Variants in TTN observed in about 807,000 individuals in gnomAD.
The protein encoded by TTN is titin.
TTN carries 1,525 observed loss-of-function variants against 3,223.0 expected under a neutral mutation model. That is an observed-to-expected ratio of 0.47 (90% CI 0.45 to 0.49). TTN has a LOEUF of 0.49. Ranked by LOEUF, TTN falls within the 20% of genes least tolerant of loss-of-function variation. The pLI is 0.00. For synonymous variants in TTN, 14,094 were observed against 15,161.0 expected (o/e 0.93, Z 5.17); for missense variants, 40,786 against 43,424.0 (o/e 0.94, Z 5.40).
chr2:178,776,282 C>T lies in TTN; in HGVS notation c.5582G>A (p.Arg1861His), dbSNP rs140914855. ...CTGAGGGTAGCCTGTTACCCTGCAG[C>T]GGAACCTTGCAGTCTCCCCTTCAAG... ...RVLEGETARF[R>H]CRVTGYPQPK... Residue 1861 changes from arginine (R) to histidine (H), a missense_variant, in exon 28 of 363, where the codon CGC becomes CAC. Arg to His is a conservative substitution (Grantham distance 29). Transcript: ENST00000589042. 129 of 1,614,050 alleles carry T rather than the reference C, an allele frequency of 8.0e-5. No individual in the cohort carries two copies. Among genetic ancestry groups the T allele is most frequent in the Middle Eastern group, 5.0e-4 (3 of 6,060 alleles).
In TTN at chr2:178,613,713, C is replaced by T. The variant is rs761275537; in HGVS notation, c.49532+38G>A. The T allele has an allele frequency of 6.3e-6, 10 of 1,591,440 alleles. No homozygotes were observed. In the East Asian group the frequency reaches 2.2e-4, roughly 36 times the overall value. On this transcript the variant is annotated intron_variant, in intron 263 of 362. Coordinates refer to ENST00000589042, the MANE Select transcript of TTN (RefSeq NM_001267550.2). ...ACTAAAGAGTAAACATTTGAATATA[C>T]TGCTGTCTTAACATCTTGATGGGGA... is the stretch of plus-strand genomic sequence containing the variant.
In TTN at chr2:178,773,822, T is replaced by C. The variant is rs1311479805; in HGVS notation, c.7330+16A>G. 2.5e-6 allele frequency: 4 copies of C among 1,613,956 alleles called. No individual in the cohort carries two copies. Among genetic ancestry groups the C allele is most frequent in the Admixed American group, 3.3e-5 (2 of 59,988 alleles). ...GCTTAATAGTGTAAACATAAAATTTTATAATTAGGACTCACTATAGACAGA... is the reference window on the plus strand; with the variant it reads ...GCTTAATAGTGTAAACATAAAATTTCATAATTAGGACTCACTATAGACAGA... On this transcript the variant is annotated intron_variant, in intron 31 of 362. Coordinates refer to ENST00000589042, the MANE Select transcript of TTN (RefSeq NM_001267550.2).
chr2:178,778,929 C>T lies in TTN; in HGVS notation c.4153G>A (p.Ala1385Thr), dbSNP rs140760859. The change falls in exon 24 of 363, where the codon GCA becomes ACA. Residue 1385 changes from alanine (A) to threonine (T), a missense_variant. Coordinates refer to ENST00000589042, the MANE Select transcript of TTN (RefSeq NM_001267550.2). ...CSGKLYVEPAAPLGAPTYIPT... is the reference protein window; with the variant it reads ...CSGKLYVEPATPLGAPTYIPT... The stretch of plus-strand genomic sequence containing the variant: ...ATGTAAGTCGGAGCTCCAAGTGGTG[C>T]AGCAGGCTCCACATACAATTTCCCT... 73 of 1,613,868 alleles carry T rather than the reference C, an allele frequency of 4.5e-5. 1 individual carries two copies. The highest frequency in any genetic ancestry group is 5.8e-5 in the Non-Finnish European group (69 of 1,179,930).
chr2:178,790,494 TTATTA>T (rs1457421728), intron 11 of TTN, among the ~76,000 whole-genome samples: 1 of 152,196 alleles, frequency 6.6e-6, no homozygotes, highest in Non-Finnish European at 1.5e-5. Flanking sequence ...TTAAAGTGAA[TTATTA>T]TATTATATTA....
chr2:178,608,865 T>G lies in TTN; in HGVS notation c.52146A>C (p.Arg17382Ser). ...CCCATTTACAAAGGACTGAGGTCTT[T>G]CTGATATCTTCAAATACAAAGTTGA... is the stretch of plus-strand genomic sequence containing the variant. ...PPINFVFEDI[R>S]KTSVLCKWEP... The change falls in exon 274 of 363, where the codon AGA (arginine) becomes AGC (serine). Residue 17382 changes from arginine (R) to serine (S), a missense_variant. Arg to Ser is a moderately radical substitution (Grantham distance 110, BLOSUM62 -1). Transcript: ENST00000589042. 6.2e-7 allele frequency: 1 copy of G among 1,611,620 alleles called. No homozygotes were observed. Among genetic ancestry groups the G allele is most frequent in the Non-Finnish European group, 8.5e-7 (1 of 1,179,180 alleles).
intron 62 of TTN, 72 bp downstream of exon 62, chr2:178,730,021 T>TCGC: frequency 4.9e-5 from 77 of 1,557,450 alleles, no homozygotes; most frequent in Non-Finnish European, 5.9e-5. Context: ...GTCTTAAGCG[T>TCGC]CCCCCGCCCC....
chr2:178,637,465 T>C, intron 223 of TTN, 46 bp from the exon 224 acceptor site: 2 of 1,285,028 alleles, frequency 1.6e-6, no homozygotes, highest in East Asian at 2.9e-5. Context: ...TTCGGACTTA[T>C]TTCATGTTTA....
rs1206086712 is a variant in TTN, at chr2:178,689,893, G to A, written c.31766C>T (p.Pro10589Leu). Residue 10589 changes from proline (P) to leucine (L), a missense_variant, in exon 122 of 363, where the codon CCA (proline) becomes CTA (leucine). Transcript: ENST00000589042. ...KKEPAAPPKVPEVPKKPVPEE... is the reference protein window; with the variant it reads ...KKEPAAPPKVLEVPKKPVPEE... ...AGGGACAGGTTTCTTTGGCACCTCT[G>A]GGACTTAAAGTTTTTGAAACACAAT... 6.2e-7 allele frequency: 1 copy of A among 1,612,852 alleles called. No individual in the cohort carries two copies.
At position 178,753,194 on chromosome 2, in the gene TTN, A is replaced by G; in HGVS notation, c.11255-14T>C. The G allele has an allele frequency of 6.3e-7, 1 of 1,595,348 alleles. No homozygotes were observed. The highest frequency in any genetic ancestry group is 8.6e-7 in the Non-Finnish European group (1 of 1,165,692). On this transcript the variant is annotated splice_polypyrimidine_tract_variant and intron_variant, in intron 46 of 362. Transcript: ENST00000589042. ...TTGATTCAGGAGCTAAAATAGAAAA[A>G]CATATAAAGAGATTTTAGTGATTAA...
intron 127 of TTN, among the ~76,000 whole-genome samples, chr2:178,687,419 A>T (rs2071210658): frequency 7.0e-6 from 1 of 142,738 alleles, no homozygotes; most frequent in Admixed American, 6.9e-5. Flanking sequence ...AATTAGCATT[A>T]TAGGTATGAA....
Position 178,607,503 on chromosome 2 carries a change from G to A in TTN, c.53185C>T (p.Leu17729=), listed in dbSNP as rs767559716. 1.9e-6 allele frequency: 3 copies of A among 1,613,204 alleles called. No individual in the cohort carries two copies. Among genetic ancestry groups the A allele is most frequent in the Non-Finnish European group, 2.5e-6 (3 of 1,179,394 alleles). The change falls in exon 277 of 363, where the codon CTA becomes TTA. Residue 17729 remains leucine, a synonymous_variant. Transcript: ENST00000589042. The stretch of plus-strand genomic sequence containing the variant: ...TTTCGCAGTGCATCCTTGATAATTA[G>A]TTCAGATTTGGTTCCAACGTTGTCT... ...VIDNVGTKSE[L]IIKDALRKDH...
Position 178,776,369 on chromosome 2 carries a change from G to T in TTN, c.5495C>A (p.Thr1832Lys). ...CTTTTGCTTTTCTTTCTGATCTGTT[G>T]TTACACCTGTAAGTGCACCTTCATG... ...MAHEGALTGV[T>K]TDQKEKQKPD... is the part of the protein sequence containing the mutation. The change falls in exon 28 of 363, where the codon ACA (threonine) becomes AAA (lysine). Residue 1832 changes from threonine (T) to lysine (K), a missense_variant. Thr to Lys is a moderately conservative substitution (Grantham distance 78, BLOSUM62 -1). Coordinates refer to ENST00000589042, the MANE Select transcript of TTN (RefSeq NM_001267550.2). The T allele has an allele frequency of 6.2e-7, 1 of 1,613,322 alleles. No homozygotes were observed. Among genetic ancestry groups the T allele is most frequent in the Non-Finnish European group, 8.5e-7 (1 of 1,179,978 alleles).
rs752752131 is a variant in TTN at position 178,567,003 on chromosome 2, G to A, written c.79129C>T (p.Pro26377Ser). 18 of 1,613,424 alleles carry A rather than the reference G, an allele frequency of 1.1e-5. No individual in the cohort carries two copies. Among genetic ancestry groups the A allele is most frequent in the Non-Finnish European group, 1.4e-5 (17 of 1,179,666 alleles). Reference protein sequence around the residue: ...YGVGEPLESAPVLMKNPFVLP... With the variant: ...YGVGEPLESASVLMKNPFVLP... ...ACAAATGGATTTTTCATTAGTACTG[G>A]TGCAGATTCCAAAGGCTCTCCAACA... is the stretch of plus-strand genomic sequence containing the variant. The change falls in exon 326 of 363, where the codon CCA (proline) becomes TCA (serine). Residue 26377 changes from proline to serine, a missense_variant. Pro to Ser is a moderately conservative substitution (Grantham distance 74). Transcript: ENST00000589042.
chr2:178,613,968 T>A (rs1232401780), intron 262 of TTN, 31 bp from the exon 263 acceptor site: 2 of 1,607,284 alleles, frequency 1.2e-6, no homozygotes, highest in African/African-American at 2.7e-5. Flanking sequence ...TAAAATGTTA[T>A]ATGTCCTGTA....
intron 142 of TTN, 64 bp from the exon 143 acceptor site, chr2:178,678,894 G>A (rs2068701077): frequency 7.7e-7 from 1 of 1,299,270 alleles, no homozygotes; most frequent in Non-Finnish European, 1.1e-6. Flanking sequence ...TTTAAGGCTG[G>A]CAATGTAAGG....
Position 178,722,458 on chromosome 2 carries a change from A to G in TTN, c.22329T>C (p.Asn7443=), listed in dbSNP as rs574876053. 6.2e-6 allele frequency: 10 copies of G among 1,613,508 alleles called. No individual in the cohort carries two copies. In the East Asian group the frequency reaches 2.2e-4, roughly 36 times the overall value. ...AGCACACTTGGATGGGTGCAGAGCCATTTAATCGACAAGTGAGTGTAACAG... is the reference window on the plus strand; with the variant it reads ...AGCACACTTGGATGGGTGCAGAGCCGTTTAATCGACAAGTGAGTGTAACAG... ...GLPVTLTCRL[N]GSAPIQVCWY... Residue 7443 remains asparagine, a synonymous_variant, in exon 77 of 363, where the codon AAT becomes AAC. Coordinates refer to ENST00000589042, the MANE Select transcript of TTN (RefSeq NM_001267550.2).
In TTN at chr2:178,734,993, A is replaced by G. The variant is rs751297137; in HGVS notation, c.14936-5T>C. On this transcript the variant is annotated splice_polypyrimidine_tract_variant and splice_region_variant and intron_variant, in intron 50 of 362. Coordinates refer to ENST00000589042, the MANE Select transcript of TTN (RefSeq NM_001267550.2). ...TCTTCACGAAGGATGGTGGCTCTAC[A>G]TGAAGTTTACAAAAAAGAAAAAGGA... The G allele has an allele frequency of 3.9e-6, 6 of 1,541,236 alleles. No individual in the cohort carries two copies. The highest frequency in any genetic ancestry group is 5.2e-6 in the Non-Finnish European group (6 of 1,144,278).
At position 178,782,899 on chromosome 2, in the gene TTN, G is replaced by A. The variant is rs774551765; in HGVS notation, c.3007C>T (p.Arg1003Cys). The stretch of plus-strand genomic sequence containing the variant: ...CCGCTGTCTTCCGCAAATGCTTCGC[G>A]AATCATAAGACGAGCAATTCCACTC... ...FQSGIARLMI[R>C]EAFAEDSGRF... The change falls in exon 18 of 363, where the codon CGC becomes TGC. Residue 1003 changes from arginine to cysteine, a missense_variant. Physicochemically the swap from Arg to Cys is radical, Grantham distance 180. Coordinates refer to ENST00000589042, the MANE Select transcript of TTN (RefSeq NM_001267550.2). The A allele has an allele frequency of 2.7e-5, 44 of 1,613,952 alleles. No homozygotes were observed. The highest frequency in any genetic ancestry group is 1.0e-4 in the Admixed American group (6 of 60,008).
chr2:178,527,106 A>G lies in TTN; in HGVS notation c.107882T>C (p.Val35961Ala). 1 of 1,613,974 alleles carries G rather than the reference A, an allele frequency of 6.2e-7. No homozygotes were observed. Among genetic ancestry groups the G allele is most frequent in the Non-Finnish European group, 8.5e-7 (1 of 1,179,868 alleles). Residue 35961 changes from valine to alanine, a missense_variant, in exon 363 of 363, where the codon GTA becomes GCA. Physicochemically the swap from Val to Ala is moderately conservative, Grantham distance 64 (BLOSUM62 0). Coordinates refer to ENST00000589042, the MANE Select transcript of TTN (RefSeq NM_001267550.2). ...ATAAAGTCCACCATCTTGTTTCTGT[A>G]CGTCCATGATGATCAGGGTTGTCAG... Reference protein sequence around the residue: ...DDLTTLIIMDVQKQDGGLYTL... With the variant: ...DDLTTLIIMDAQKQDGGLYTL...
Sources: allele counts gnomAD v4.1 joint callset (sites outside exome capture counted in the v4.1 genomes callset), GRCh38; gene constraint gnomAD v4.1.1; transcripts MANE v1.5; gene names NCBI Gene and HGNC (gene_info 2026-07-23, HGNC 2026-07-21).